The following RNF220 variants were observed in gnomAD, a reference collection of about 807,000 sequenced individuals.
RNF220 encodes the protein E3 ubiquitin-protein ligase RNF220.
Under a neutral mutation model 67.1 loss-of-function variants are expected in RNF220, and 7 were observed. That is an observed-to-expected ratio of 0.10 (90% confidence interval 0.06 to 0.20). The LOEUF is 0.20. Among genes scored for constraint, RNF220 ranks in the 10% least tolerant of loss-of-function variants. The pLI is 1.00. For synonymous variants in RNF220, 270 were observed against 283.2 expected (o/e 0.95, Z 0.47); for missense variants, 565 against 740.3 (o/e 0.76, Z 2.75).
intron 2 of RNF220, among the ~76,000 whole-genome samples, chr1:44,483,829 C>T (rs1448312806): frequency 2.6e-5 from 4 of 152,200 alleles, no homozygotes; most frequent in Non-Finnish European, 5.9e-5. Flanking sequence ...AGCCTTCCCT[C>T]TTAGGATTTT....
rs570144151 is a variant in RNF220 at position 44,593,001 on chromosome 1, T to TG, written c.626-21157dup. 3.9e-4 allele frequency among the ~76,000 whole-genome samples: 60 copies of TG among 152,158 alleles called. No individual in the cohort carries two copies. In the East Asian group the frequency reaches 9.7e-3, roughly 25 times the overall value. On this transcript the variant is annotated intron_variant, in intron 2 of 14. Transcript: ENST00000361799. ...TGAGGAGAGAGGAAGGAGTTTTTGA[T>TG]GGGGGGGATGGGCCCAGAGCTGCCA... is the stretch of plus-strand genomic sequence containing the variant.
intron 2 of RNF220, among the ~76,000 whole-genome samples, chr1:44,474,442 C>T (rs1655112206): frequency 6.7e-6 from 1 of 149,650 alleles, no homozygotes; most frequent in South Asian, 2.1e-4. Flanking sequence ...AGTGGTATGG[C>T]TCACACCTGT....
chr1:44,419,253 T>G (rs1648949227), intron 2 of RNF220: 1 of 152,256 alleles, frequency 6.6e-6, no homozygotes, highest in Non-Finnish European at 1.5e-5. Context: ...CCTTTGTAAC[T>G]TCACATGTGT....
chr1:44,632,321 T>C (rs773378567), intron 5 of RNF220, 22 bp from the exon 6 acceptor site: 1 of 1,614,094 alleles, frequency 6.2e-7, no homozygotes, highest in South Asian at 1.1e-5. Context: ...TTTTCTTGCA[T>C]CTGCCCGCGA....
intron 3 of RNF220, 93 bp downstream of exon 3, chr1:44,614,390 A>AG: frequency 7.0e-7 from 1 of 1,426,596 alleles, no homozygotes; most frequent in Non-Finnish European, 9.5e-7. Context: ...CCCATACCCC[A>AG]GCCCCTCGGG....
At chr1:44,431,012 G>A (rs1189682959) in intron 2 of RNF220, among the ~76,000 whole-genome samples, 1 of 152,208 alleles carries the variant, frequency 6.6e-6, no homozygotes, top group Non-Finnish European at 1.5e-5. Flanking sequence ...TCAAGTGGAT[G>A]GGATTACAGT....
chr1:44,484,290 T>C (rs1477936755), intron 2 of RNF220, among the ~76,000 whole-genome samples: 2 of 152,064 alleles, frequency 1.3e-5, no homozygotes, highest in South Asian at 4.1e-4. Context: ...GAGACTTTTA[T>C]TGGCCCAGGG....
At position 44,635,826 on chromosome 1, in the gene RNF220, A is replaced by C. The variant is rs966576555; in HGVS notation, c.994-204A>C. The C allele has an allele frequency of 3.1e-6, 4 of 1,286,874 alleles. No individual in the cohort carries two copies. In the African/African-American group the frequency reaches 4.5e-5, roughly 14 times the overall value. The allele number at this position is 1,286,874 out of a possible 1,614,324, so 79.7% of individuals were successfully genotyped here. ...TCTCCTTTTGCTTTCACTCTCACTCATTCCCTCCTTGGGCTCCAGCGGAAA... is the reference window on the plus strand; with the variant it reads ...TCTCCTTTTGCTTTCACTCTCACTCCTTCCCTCCTTGGGCTCCAGCGGAAA... On this transcript the variant is annotated intron_variant, in intron 7 of 14. Transcript: ENST00000361799.
intron 2 of RNF220, 42 bp from the exon 3 acceptor site, chr1:44,614,123 T>C (rs909187146): frequency 6.2e-7 from 1 of 1,611,836 alleles, no homozygotes; most frequent in East Asian, 2.2e-5. Context: ...CCTCCTGGAC[T>C]AGCCCAGCTT....
chr1:44,492,021 A>G (rs1429747064), intron 2 of RNF220, among the ~76,000 whole-genome samples: 2 of 152,216 alleles, frequency 1.3e-5, no homozygotes, highest in Non-Finnish European at 2.9e-5. Flanking sequence ...AGCTAGGGCA[A>G]TTAGGCAAGA....
chr1:44,464,330 G>C (rs953026749), intron 2 of RNF220, among the ~76,000 whole-genome samples: 6 of 152,214 alleles, frequency 3.9e-5, no homozygotes, highest in African/African-American at 1.2e-4. Flanking sequence ...TGAACCAGCA[G>C]CTGCCAGAGG....
At position 44,412,556 on chromosome 1, in the gene RNF220, G is replaced by A. The variant is rs771221351; in HGVS notation, c.459G>A (p.Leu153=). The A allele has an allele frequency of 2.7e-5, 44 of 1,614,026 alleles. No homozygotes were observed. The highest frequency in any genetic ancestry group is 3.6e-5 in the Non-Finnish European group (42 of 1,180,042). ...GCCATGACACAGAGTCTCCCCACTTGCGCTTCTCAGATGCAGATGGCAAGG... is the reference window on the plus strand; with the variant it reads ...GCCATGACACAGAGTCTCCCCACTTACGCTTCTCAGATGCAGATGGCAAGG... ...KNCHDTESPH[L]RFSDADGKEY... is the part of the protein sequence containing the mutation. The change falls in exon 2 of 15, where the codon TTG becomes TTA. Residue 153 remains leucine, a synonymous_variant. Coordinates refer to ENST00000361799, the MANE Select transcript of RNF220 (RefSeq NM_018150.4). The surrounding 1 kb of genome is among the most constrained non-coding windows in gnomAD (Gnocchi z 5.3).
intron 2 of RNF220, among the ~76,000 whole-genome samples, chr1:44,603,644 C>A (rs1002674101): frequency 6.6e-6 from 1 of 152,114 alleles, no homozygotes; most frequent in African/African-American, 2.4e-5. Flanking sequence ...TCTCCAGATG[C>A]AAGGGCTCCC....
intron 2 of RNF220, among the ~76,000 whole-genome samples, chr1:44,453,965 AGCAATGACATCATCACATG>A (rs1419071311): frequency 6.6e-6 from 1 of 152,236 alleles, no homozygotes; most frequent in Non-Finnish European, 1.5e-5. Context: ...TAGTTGCCAG[AGCAATGACATCATCACATG>A]GCATTCCATT....
intron 2 of RNF220, among the ~76,000 whole-genome samples, chr1:44,575,086 A>C (rs1268736252): frequency 1.3e-5 from 2 of 151,838 alleles, no homozygotes; most frequent in East Asian, 1.9e-4. Flanking sequence ...CTACTCTGCT[A>C]TCAAACATTA....
intron 2 of RNF220, among the ~76,000 whole-genome samples, chr1:44,539,895 T>C (rs1275460078): frequency 6.6e-6 from 1 of 152,192 alleles, no homozygotes; most frequent in Non-Finnish European, 1.5e-5. Context: ...AAATTCTTGA[T>C]TGACCTCTTT....
intron 2 of RNF220, among the ~76,000 whole-genome samples, chr1:44,445,968 T>G (rs1224651663): frequency 6.6e-6 from 1 of 152,214 alleles, no homozygotes; most frequent in Admixed American, 6.5e-5. Flanking sequence ...TTATTACTGG[T>G]ATTGGGTATG....
intron 2 of RNF220, among the ~76,000 whole-genome samples, chr1:44,481,367 A>C (rs1250432213): frequency 6.6e-6 from 1 of 152,148 alleles, no homozygotes; most frequent in Non-Finnish European, 1.5e-5. Flanking sequence ...TCGAGGCTGC[A>C]GTGAGCTGTG....
chr1:44,575,660 C>T (rs1664751638), intron 2 of RNF220, among the ~76,000 whole-genome samples: 1 of 151,982 alleles, frequency 6.6e-6, no homozygotes. Context: ...CAGATGCTGG[C>T]AAGAATGCGA....
Sources: gnomAD v4.1 joint callset for allele counts (sites outside exome capture counted in the v4.1 genomes callset) on GRCh38, gnomAD v4.1.1 for gene constraint, Gnocchi (gnomAD v3.1) non-coding constraint, MANE v1.5 for transcripts, NCBI Gene and HGNC (gene_info 2026-07-23, HGNC 2026-07-21) for gene names.